Variants in C3orf18 observed in about 807,000 individuals in gnomAD.
The protein encoded by C3orf18 is chromosome 3 open reading frame 18.
Under a neutral mutation model 14.1 loss-of-function variants are expected in C3orf18, and 12 were observed. The ratio of observed to expected loss-of-function variants is 0.85; its 90% CI spans 0.55 to 1.38. C3orf18 has a LOEUF of 1.38. Ranked by LOEUF, C3orf18 falls within the 40% of genes most tolerant of loss-of-function variation. The pLI is 0.00. For missense variants in C3orf18, 196 were observed against 213.9 expected (o/e 0.92, Z 0.52); for synonymous variants, 82 against 87.9 (o/e 0.93, Z 0.38).
At chr3:50,563,669 G>A (rs947001188) in intron 3 of C3orf18, among the ~76,000 whole-genome samples, 7 of 152,242 alleles carry the variant, frequency 4.6e-5, no homozygotes, top group Non-Finnish European at 7.4e-5. Context: ...ATCGGGGAGA[G>A]GAAGCAGCAC....
upstream of C3orf18, among the ~76,000 whole-genome samples, chr3:50,568,856 G>C (rs1700574246): frequency 6.6e-6 from 1 of 152,312 alleles, no homozygotes; most frequent in East Asian, 1.9e-4. Flanking sequence ...TTTTATAGAA[G>C]GCGCAACTGA....
chr3:50,566,032 T>G lies in C3orf18; in HGVS notation c.-189A>C, dbSNP rs1700271087. 2 of 243,168 alleles carry G rather than the reference T, an allele frequency of 8.2e-6. No homozygotes were observed. Among genetic ancestry groups the G allele is most frequent in the South Asian group, 1.6e-4 (2 of 12,300 alleles). 15.1% of individuals were successfully genotyped at this position (243,168 alleles called of 1,614,324 possible). A position where few individuals can be genotyped will look rare whatever the true frequency, so the allele number is the denominator to read the frequency against. On this transcript the variant is annotated 5_prime_UTR_variant, in exon 2 of 6. Transcript: ENST00000357203. The stretch of plus-strand genomic sequence containing the variant: ...TTACGTATCTACGGTGCCCCTGTTT[T>G]TGGGAACAAAAATGAAGCCCTGCAT...
intron 3 of C3orf18, among the ~76,000 whole-genome samples, chr3:50,564,420 C>G (rs1369480227): frequency 1.3e-5 from 2 of 152,166 alleles, no homozygotes; most frequent in African/African-American, 4.8e-5. Context: ...TCCCCAGCCC[C>G]CTTCCTTCCT....
At chr3:50,561,167 A>G in intron 4 of C3orf18, 103 bp from the exon 5 acceptor site, 4 of 1,266,724 alleles carry the variant, frequency 3.2e-6, no homozygotes, top group Non-Finnish European at 2.2e-6. Context: ...GCACACAACC[A>G]TGCTTAGGGC....
upstream of C3orf18, among the ~76,000 whole-genome samples, chr3:50,574,334 T>G (rs1559456515): frequency 6.6e-6 from 1 of 152,220 alleles, no homozygotes; most frequent in Admixed American, 6.5e-5. Context: ...TGGGCTGTTA[T>G]CTACCCCTGC....
rs1282918906 is a variant in C3orf18, at chr3:50,567,604, A to T, written c.-393T>A. The stretch of plus-strand genomic sequence containing the variant: ...AGATCCGCCCTCCCTGCAAGCCCCG[A>T]GCCGCTGGCCAGGCCCGCTACTGCG... On this transcript the variant is annotated 5_prime_UTR_variant, in exon 1 of 6. Transcript: ENST00000357203. The T allele has an allele frequency of 6.6e-6, 1 of 152,194 alleles. No homozygotes were observed. Among genetic ancestry groups the T allele is most frequent in the Non-Finnish European group, 1.5e-5 (1 of 68,046 alleles). The allele number at this position is 152,194 out of a possible 1,614,324, so 9.4% of individuals were successfully genotyped here. A position where few individuals can be genotyped will look rare whatever the true frequency, so the allele number is the denominator to read the frequency against.
At position 50,559,261 on chromosome 3, in the gene C3orf18, C is replaced by A; in HGVS notation, c.*396G>T. 2.4e-6 allele frequency: 3 copies of A among 1,255,832 alleles called. No homozygotes were observed. Among genetic ancestry groups the A allele is most frequent in the Non-Finnish European group, 3.1e-6 (3 of 976,008 alleles). 77.8% of individuals were successfully genotyped at this position (1,255,832 alleles called of 1,614,324 possible). ...CAGATTCCAAAAAACAGGTCTCTCC[C>A]TAACAGAGGGAAACCTCCCCTTTCC... On this transcript the variant is annotated 3_prime_UTR_variant, in exon 6 of 6. Coordinates refer to ENST00000357203, the MANE Select transcript of C3orf18 (RefSeq NM_016210.5).
At chr3:50,561,104 C>T in intron 4 of C3orf18, 40 bp from the exon 5 acceptor site, 2 of 1,597,460 alleles carry the variant, frequency 1.3e-6, no homozygotes, top group Non-Finnish European at 1.7e-6. Flanking sequence ...CAGGGCAGGC[C>T]CTTCCCCTCC....
At chr3:50,571,729 C>G (rs1171015840), upstream of C3orf18, 9 of 1,614,076 alleles carry the variant, frequency 5.6e-6, no homozygotes, top group African/African-American at 1.3e-5. Context: ...CTGAGGCCGG[C>G]ACTTTGGACC....
At chr3:50,572,961 G>A (rs1171173832), upstream of C3orf18, among the ~76,000 whole-genome samples, 1 of 152,234 alleles carries the variant, frequency 6.6e-6, no homozygotes, top group Non-Finnish European at 1.5e-5. Flanking sequence ...GTTCTGAGAA[G>A]GAGTGTTTCT....
chr3:50,568,212 G>A (rs1700488412), upstream of C3orf18, among the ~76,000 whole-genome samples: 2 of 152,290 alleles, frequency 1.3e-5, no homozygotes, highest in Middle Eastern at 3.4e-3. Flanking sequence ...GAAGTTGAGA[G>A]TGGGGTGGAT....
chr3:50,562,186 C>A (rs1214425418), intron 3 of C3orf18, among the ~76,000 whole-genome samples: 1 of 152,214 alleles, frequency 6.6e-6, no homozygotes. Flanking sequence ...GCGTGAGCCA[C>A]CACACTGGCC....
intron 4 of C3orf18, 134 bp from the exon 5 acceptor site, chr3:50,561,198 G>T: frequency 1.0e-6 from 1 of 988,560 alleles, no homozygotes; most frequent in Non-Finnish European, 1.5e-6. Flanking sequence ...CCCTTGAAAT[G>T]GGAAAAAATG....
upstream of C3orf18, among the ~76,000 whole-genome samples, chr3:50,573,040 C>A (rs1297117760): frequency 6.6e-6 from 1 of 152,216 alleles, no homozygotes; most frequent in African/African-American, 2.4e-5. Flanking sequence ...GGCCAGGGGG[C>A]CCCAAACCCT....
intron 3 of C3orf18, among the ~76,000 whole-genome samples, chr3:50,562,144 C>T (rs545552812): frequency 2.1e-4 from 32 of 152,298 alleles, no homozygotes; most frequent in Admixed American, 1.5e-3. Context: ...GTGATCCACC[C>T]GCCTCGGCCT....
In C3orf18 at chr3:50,559,281, C is replaced by T; in HGVS notation, c.*376G>A. 1 of 1,245,900 alleles carries T rather than the reference C, an allele frequency of 8.0e-7. No homozygotes were observed. Among genetic ancestry groups the T allele is most frequent in the South Asian group, 1.4e-5 (1 of 70,052 alleles). The allele number at this position is 1,245,900 out of a possible 1,614,324, so 77.2% of individuals were successfully genotyped here. A position where few individuals can be genotyped will look rare whatever the true frequency, so the allele number is the denominator to read the frequency against. On this transcript the variant is annotated 3_prime_UTR_variant, in exon 6 of 6. Coordinates refer to ENST00000357203, the MANE Select transcript of C3orf18 (RefSeq NM_016210.5). Reference sequence around the variant, plus strand: ...TCTCCCTAACAGAGGGAAACCTCCCCTTTCCTCCCCCAATCCCTCCCACTC... The same window carrying T: ...TCTCCCTAACAGAGGGAAACCTCCCTTTTCCTCCCCCAATCCCTCCCACTC...
At chr3:50,568,879 C>T (rs1700575618), upstream of C3orf18, among the ~76,000 whole-genome samples, 1 of 152,174 alleles carries the variant, frequency 6.6e-6, no homozygotes, top group Non-Finnish European at 1.5e-5. Context: ...TCCAGAGGTC[C>T]CAACACCTGG....
intron 3 of C3orf18, among the ~76,000 whole-genome samples, chr3:50,562,904 C>A (rs181220466): frequency 1.3e-5 from 2 of 152,290 alleles, no homozygotes; most frequent in African/African-American, 4.8e-5. Context: ...AAACCCTGTA[C>A]AATGCCCTGA....
At chr3:50,571,138 C>T, upstream of C3orf18, 1 of 1,610,296 alleles carries the variant, frequency 6.2e-7, no homozygotes, top group African/African-American at 1.3e-5. Flanking sequence ...GTGGGCCCTC[C>T]TGTCTGGCCC....
Sources: gnomAD v4.1 joint callset for allele counts (sites outside exome capture counted in the v4.1 genomes callset) on GRCh38, gnomAD v4.1.1 for gene constraint, MANE v1.5 for transcripts, NCBI Gene and HGNC (gene_info 2026-07-23, HGNC 2026-07-21) for gene names.